NAV1: variants seen among roughly 807,000 people sequenced by gnomAD.
The protein encoded by NAV1 is pore membrane and/or filament interacting like protein 3.
A neutral mutation model predicts 175.2 loss-of-function variants in NAV1; 18 were observed. That is an observed-to-expected ratio of 0.10 (90% CI 0.07 to 0.15). The LOEUF is 0.15. Among genes scored for constraint, NAV1 ranks in the 10% least tolerant of loss-of-function variants. The pLI is 1.00. For synonymous variants in NAV1, 897 were observed against 978.7 expected (o/e 0.92, Z 1.56); for missense variants, 1,731 against 2,436.6 (o/e 0.71, Z 6.10).
At chr1:201,773,624 G>T (rs752809516) in intron 3 of NAV1, among the ~76,000 whole-genome samples, 1 of 152,096 alleles carries the variant, frequency 6.6e-6, no homozygotes, top group Non-Finnish European at 1.5e-5. Context: ...GATGAGGAGG[G>T]GGAGGAAAAA....
chr1:201,655,494 T>C (rs1314060219), intron 1 of NAV1, among the ~76,000 whole-genome samples: 3 of 152,212 alleles, frequency 2.0e-5, no homozygotes, highest in Non-Finnish European at 4.4e-5. Flanking sequence ...TGGCCCTGCG[T>C]GGGCAGGTTC....
At chr1:201,574,565 T>A (rs1198018749) in intron 1 of NAV1, among the ~76,000 whole-genome samples, 1 of 152,096 alleles carries the variant, frequency 6.6e-6, no homozygotes, top group African/African-American at 2.4e-5. Flanking sequence ...AAAAAGAGCT[T>A]GTTGGATATC....
upstream of NAV1, among the ~76,000 whole-genome samples, chr1:201,645,531 C>T (rs1323833471): frequency 2.0e-5 from 3 of 151,522 alleles, no homozygotes; most frequent in Non-Finnish European, 1.5e-5. Context: ...TGCACATGTA[C>T]CCTAAAACTT....
intron 3 of NAV1, among the ~76,000 whole-genome samples, chr1:201,725,164 C>T (rs1201996167): frequency 6.6e-6 from 1 of 152,244 alleles, no homozygotes; most frequent in Non-Finnish European, 1.5e-5. Context: ...AATTCTCTTG[C>T]AATGAGCACT....
At chr1:201,577,992 A>G (rs184799861) in intron 1 of NAV1, among the ~76,000 whole-genome samples, 1 of 152,206 alleles carries the variant, frequency 6.6e-6, no homozygotes, top group East Asian at 1.9e-4. Context: ...CTTGTTTGGC[A>G]TTTGCTCAGA....
chr1:201,764,741 T>C (rs532201707), intron 3 of NAV1, among the ~76,000 whole-genome samples: 139 of 151,478 alleles, frequency 9.2e-4, no homozygotes, highest in African/African-American at 3.1e-3. Context: ...AAGAAAATTT[T>C]CTGAGTCATA....
intron 1 of NAV1, among the ~76,000 whole-genome samples, chr1:201,587,751 C>A (rs1667077233): frequency 2.0e-5 from 3 of 151,972 alleles, no homozygotes; most frequent in African/African-American, 7.3e-5. Context: ...TAAAAGTAGG[C>A]AAAATATTTG....
At chr1:201,708,434 T>TTG (rs1219989150) in intron 1 of NAV1, among the ~76,000 whole-genome samples, 14 of 132,724 alleles carry the variant, frequency 1.1e-4, no homozygotes, top group African/African-American at 3.8e-4. Flanking sequence ...CAAACCCTAC[T>TTG]TGCGCGCACA....
upstream of NAV1, chr1:201,648,157 C>T (rs1026761051): frequency 2.5e-6 from 2 of 812,512 alleles, no homozygotes; most frequent in Non-Finnish European, 3.0e-6. Flanking sequence ...CCCCTTCCCT[C>T]CTTCCTCTGC....
At chr1:201,708,463 CAT>C (rs1436709928) in intron 1 of NAV1, among the ~76,000 whole-genome samples, 1 of 151,300 alleles carries the variant, frequency 6.6e-6, no homozygotes, top group Non-Finnish European at 1.5e-5. Flanking sequence ...CACACACACA[CAT>C]ACACACACTT....
chr1:201,714,227 G>T (rs1386780204), intron 2 of NAV1, among the ~76,000 whole-genome samples: 1 of 152,142 alleles, frequency 6.6e-6, no homozygotes, highest in Non-Finnish European at 1.5e-5. Context: ...CTACCTTTCA[G>T]TCACCCCGGT....
At chr1:201,777,116 G>T (rs905056318) in intron 3 of NAV1, among the ~76,000 whole-genome samples, 2 of 152,200 alleles carry the variant, frequency 1.3e-5, no homozygotes, top group African/African-American at 4.8e-5. Context: ...GACATGTAAG[G>T]TCTTACGAAG....
chr1:201,713,882 G>A (rs1334305889), intron 2 of NAV1, among the ~76,000 whole-genome samples: 3 of 152,182 alleles, frequency 2.0e-5, no homozygotes, highest in Non-Finnish European at 4.4e-5. Context: ...GGATTCTGAG[G>A]ATGGGACCAC....
chr1:201,550,988 G>C (rs1164534421), intron 1 of NAV1, among the ~76,000 whole-genome samples: 1 of 152,220 alleles, frequency 6.6e-6, no homozygotes, highest in African/African-American at 2.4e-5. Context: ...TATGGTCCGT[G>C]CTGAATGACT....
intron 3 of NAV1, among the ~76,000 whole-genome samples, chr1:201,735,253 G>A (rs1673065115): frequency 6.6e-6 from 1 of 152,236 alleles, no homozygotes; most frequent in African/African-American, 2.4e-5. Flanking sequence ...CAGGAATCAA[G>A]ACACCTGGAT....
At chr1:201,588,734 T>A (rs925938183) in intron 2 of NAV1, among the ~76,000 whole-genome samples, 85 bp downstream of exon 2, 2 of 152,144 alleles carry the variant, frequency 1.3e-5, no homozygotes, top group African/African-American at 4.8e-5. Context: ...GAGTGACAAC[T>A]ATTAGTTATG....
intron 3 of NAV1, among the ~76,000 whole-genome samples, chr1:201,734,493 G>GAAGAAGAAGAAGA (rs1558109103): frequency 2.8e-5 from 2 of 71,680 alleles, no homozygotes; most frequent in Non-Finnish European, 5.3e-5. Context: ...GAGGAAGAAG[G>GAAGAAGAAGAAGA]AGAAGGAGAA....
chr1:201,810,795 A>C lies in NAV1; in HGVS notation c.4797+37A>C. 1 of 1,547,090 alleles carries C rather than the reference A, an allele frequency of 6.5e-7. No homozygotes were observed. Among genetic ancestry groups the C allele is most frequent in the Non-Finnish European group, 8.9e-7 (1 of 1,124,202 alleles). On this transcript the variant is annotated intron_variant, in intron 24 of 29. Coordinates refer to ENST00000367296, the Ensembl canonical transcript of NAV1. The surrounding 1 kb of genome is among the most constrained non-coding windows in gnomAD (Gnocchi z 6.0). ...CCGACACCCCTGCCAGCCTTTGTTCATGCCTCAGCCTTCCCTAAGACCCTT... is the reference window on the plus strand; with the variant it reads ...CCGACACCCCTGCCAGCCTTTGTTCCTGCCTCAGCCTTCCCTAAGACCCTT...
intron 2 of NAV1, among the ~76,000 whole-genome samples, chr1:201,714,015 C>T (rs918423739): frequency 6.6e-6 from 1 of 152,126 alleles, no homozygotes; most frequent in African/African-American, 2.4e-5. Context: ...CTCATTCTGT[C>T]GCCCACTGCC....
Sources: allele counts gnomAD v4.1 joint callset (sites outside exome capture counted in the v4.1 genomes callset), GRCh38; gene constraint gnomAD v4.1.1; non-coding constraint Gnocchi (gnomAD v3.1); transcripts MANE v1.5; gene names NCBI Gene and HGNC (gene_info 2026-07-23, HGNC 2026-07-21).